The following DACH2 variants were observed in gnomAD, a reference collection of about 807,000 sequenced individuals.
The protein encoded by DACH2 is dachshund family transcription factor 2.
In DACH2, 17 loss-of-function variants were observed where a neutral mutation model predicts 35.8. The observed-to-expected ratio is 0.48, with a 90% CI of 0.33 to 0.71. The LOEUF (loss-of-function observed/expected upper bound fraction) is 0.71. Ranked by LOEUF, DACH2 falls within the 30% of genes least tolerant of loss-of-function variation. The pLI, the probability that DACH2 is intolerant of heterozygous loss-of-function variation, is 0.02. For missense variants in DACH2, 469 were observed against 472.7 expected, an observed-to-expected ratio of 0.99 and a Z score of 0.07; for synonymous variants, 195 against 177.3, an observed-to-expected ratio of 1.10 and a Z score of -0.79.
intron 1 of DACH2, among the ~76,000 whole-genome samples, chrX:86,296,067 T>A (rs1314553587): frequency 1.8e-5 from 2 of 111,081 alleles, no homozygotes; most frequent in East Asian, 5.6e-4. Context: ...TTACCAAAAA[T>A]TATTTGTGAA....
chrX:86,526,620 C>T (rs1381993600), intron 3 of DACH2, among the ~76,000 whole-genome samples: 2 of 110,675 alleles, frequency 1.8e-5, no homozygotes, highest in Non-Finnish European at 3.8e-5. Context: ...AATGCCCAAA[C>T]GTAGAGCTTA....
At chrX:86,303,984 C>G (rs972590107) in intron 1 of DACH2, among the ~76,000 whole-genome samples, 4 of 111,224 alleles carry the variant, frequency 3.6e-5, no homozygotes, top group African/African-American at 1.3e-4. Context: ...TCAAAATATA[C>G]TATAGTTATA....
chrX:86,600,140 G>A (rs775804137), intron 3 of DACH2, among the ~76,000 whole-genome samples: 1 of 112,139 alleles, frequency 8.9e-6, no homozygotes, highest in Non-Finnish European at 1.9e-5. Context: ...GCTGAGTGGA[G>A]GTAGAGAGAA....
intron 1 of DACH2, among the ~76,000 whole-genome samples, chrX:86,333,777 T>C (rs1011683582): frequency 2.7e-5 from 3 of 111,725 alleles, no homozygotes; most frequent in Non-Finnish European, 5.6e-5. Context: ...TTTAATATAC[T>C]TTAAGTTCTG....
intron 7 of DACH2, among the ~76,000 whole-genome samples, chrX:86,743,359 A>C (rs1407652987): frequency 9.0e-6 from 1 of 111,398 alleles, no homozygotes. Flanking sequence ...CTAATATGAA[A>C]ACTGAGTACA....
intron 1 of DACH2, among the ~76,000 whole-genome samples, chrX:86,363,754 T>C (rs1176439779): frequency 9.0e-6 from 1 of 111,510 alleles, no homozygotes; most frequent in Non-Finnish European, 1.9e-5. Flanking sequence ...TTGGAACACA[T>C]ATATATTTGT....
intron 3 of DACH2, among the ~76,000 whole-genome samples, chrX:86,649,209 TTTTC>T (rs1274684375): frequency 9.0e-6 from 1 of 111,126 alleles, no homozygotes; most frequent in Non-Finnish European, 1.9e-5. Context: ...TTACAACGAA[TTTTC>T]TTTATCTGTG....
chrX:86,541,768 C>T (rs1391996366), intron 3 of DACH2, among the ~76,000 whole-genome samples: 1 of 111,240 alleles, frequency 9.0e-6, no homozygotes, highest in Non-Finnish European at 1.9e-5. Context: ...GAGATAGGTA[C>T]TCTTATTACT....
intron 3 of DACH2, among the ~76,000 whole-genome samples, chrX:86,579,404 G>GT (rs974096670): frequency 3.6e-5 from 4 of 110,264 alleles, no homozygotes; most frequent in African/African-American, 9.9e-5. Context: ...CCATTTTTTA[G>GT]TTTTTTTAAA....
At chrX:86,221,329 C>T (rs1225814452) in intron 1 of DACH2, among the ~76,000 whole-genome samples, 1 of 111,712 alleles carries the variant, frequency 9.0e-6, no homozygotes, top group Non-Finnish European at 1.9e-5. Flanking sequence ...CTTTTCCCTA[C>T]TGTGTATTCT....
intron 1 of DACH2, among the ~76,000 whole-genome samples, chrX:86,152,035 C>A (rs753621549): frequency 9.0e-6 from 1 of 111,672 alleles, no homozygotes; most frequent in Non-Finnish European, 1.9e-5. Context: ...CTTAGTGCTT[C>A]TAGCTAAGAG....
chrX:86,285,562 A>G (rs770268459), intron 1 of DACH2, among the ~76,000 whole-genome samples: 18 of 111,804 alleles, frequency 1.6e-4, no homozygotes, highest in Non-Finnish European at 3.0e-4. Flanking sequence ...ATGTTTTAAG[A>G]CTTGTTTTAT....
intron 2 of DACH2, among the ~76,000 whole-genome samples, chrX:86,447,033 C>A (rs1427496178): frequency 1.4e-5 from 1 of 70,517 alleles, no homozygotes; most frequent in Admixed American, 1.8e-4. Flanking sequence ...ATTTGCATTT[C>A]TCTGATGGCC....
intron 2 of DACH2, among the ~76,000 whole-genome samples, chrX:86,440,316 T>C (rs2037139225): frequency 1.8e-5 from 2 of 111,108 alleles, no homozygotes; most frequent in South Asian, 7.5e-4. Flanking sequence ...TACTTTAAGG[T>C]TGTCTGTGTC....
At chrX:86,582,893 C>A (rs1046497951) in intron 3 of DACH2, among the ~76,000 whole-genome samples, 1 of 110,550 alleles carries the variant, frequency 9.0e-6, no homozygotes, top group Non-Finnish European at 1.9e-5. Context: ...ATGCCAAAAC[C>A]TGGCAGAAAC....
intron 1 of DACH2, among the ~76,000 whole-genome samples, chrX:86,337,478 A>T (rs1210045157): frequency 8.9e-6 from 1 of 112,031 alleles, no homozygotes; most frequent in Non-Finnish European, 1.9e-5. Context: ...ACCCAAACTA[A>T]GCTTCATAAG....
chrX:86,423,651 C>G (rs1005368193), intron 2 of DACH2, among the ~76,000 whole-genome samples: 2 of 109,845 alleles, frequency 1.8e-5, no homozygotes, highest in African/African-American at 6.6e-5. Flanking sequence ...TATGCAGAAG[C>G]TTTTTAACTT....
At chrX:86,286,401 A>G (rs1211952840) in intron 1 of DACH2, among the ~76,000 whole-genome samples, 1 of 111,087 alleles carries the variant, frequency 9.0e-6, no homozygotes, top group Non-Finnish European at 1.9e-5. Context: ...AAGTGCTGGG[A>G]TTACAGGAGC....
intron 1 of DACH2, among the ~76,000 whole-genome samples, chrX:86,339,201 C>G (rs1174437374): frequency 4.5e-5 from 5 of 111,541 alleles, no homozygotes; most frequent in Non-Finnish European, 9.4e-5. Flanking sequence ...ATACCTGCCA[C>G]AATATAAAAC....
Sources: gnomAD v4.1 joint callset for allele counts (sites outside exome capture counted in the v4.1 genomes callset) on GRCh38, gnomAD v4.1.1 for gene constraint, MANE v1.5 for transcripts, NCBI Gene and HGNC (gene_info 2026-07-23, HGNC 2026-07-21) for gene names.